The following BNIP5 variants were observed in gnomAD, a reference collection of about 807,000 sequenced individuals.
The protein encoded by BNIP5 is protein BNIP5.
Under a neutral mutation model 67.3 loss-of-function variants are expected in BNIP5, and 61 were observed. The observed-to-expected ratio is 0.91, with a 90% CI of 0.74 to 1.12. The LOEUF (loss-of-function observed/expected upper bound fraction) is 1.12, where lower values mean the gene tolerates loss of function less well. Among genes scored for constraint, BNIP5 ranks in the 50% most tolerant of loss-of-function variants. The pLI is 0.00. For synonymous variants in BNIP5, 317 were observed against 319.0 expected (o/e 0.99, Z 0.07); for missense variants, 826 against 816.3 (o/e 1.01, Z -0.14).
At chr6:36,326,918 C>A (rs1330733269) in intron 4 of BNIP5, 112 bp downstream of exon 4, 2 of 1,390,052 alleles carry the variant, frequency 1.4e-6, no homozygotes, top group African/African-American at 2.9e-5. Context: ...CAGAAGGAGG[C>A]TTCAGGGAAG....
chr6:36,324,274 G>A, intron 6 of BNIP5, 84 bp from the exon 7 acceptor site: 4 of 1,254,700 alleles, frequency 3.2e-6, no homozygotes, highest in Non-Finnish European at 4.7e-6. Flanking sequence ...TGCCCCGGTG[G>A]CTCCCTGGGT....
chr6:36,330,782 A>G lies in BNIP5; in HGVS notation c.-4-88T>C, dbSNP rs1771888039. The G allele has an allele frequency of 4.8e-6, 7 of 1,464,722 alleles. No individual in the cohort carries two copies. The East Asian group carries it at 1.7e-4, about 35-fold the overall frequency. 90.7% of individuals were successfully genotyped at this position (1,464,722 alleles called of 1,614,324 possible). ...TTTGTTTTGTTTGTTTTTGTTTTTT[A>G]TGACGGAGCCTCGGTCTATTGCCCA... On this transcript the variant is annotated intron_variant, in intron 1 of 11. Coordinates refer to ENST00000437635, the MANE Select transcript of BNIP5 (RefSeq NM_001010903.5).
chr6:36,325,733 C>T (rs1307382321), intron 5 of BNIP5, among the ~76,000 whole-genome samples: 1 of 152,134 alleles, frequency 6.6e-6, no homozygotes, highest in East Asian at 1.9e-4. Context: ...TAGCCAGAAT[C>T]CCCCTGCATG....
chr6:36,322,480 A>G (rs763789595), intron 8 of BNIP5, 38 bp from the exon 9 acceptor site: 1 of 1,589,992 alleles, frequency 6.3e-7, no homozygotes, highest in South Asian at 1.1e-5. Context: ...TTTTGCAGAG[A>G]GCTGAATCTA....
chr6:36,325,700 C>CA (rs1011347701), intron 5 of BNIP5, among the ~76,000 whole-genome samples: 2 of 152,150 alleles, frequency 1.3e-5, no homozygotes, highest in African/African-American at 4.8e-5. Flanking sequence ...AGGCCTGGTC[C>CA]CATGGCATGA....
At chr6:36,333,383 G>A (rs1286023493) in intron 1 of BNIP5, among the ~76,000 whole-genome samples, 1 of 152,224 alleles carries the variant, frequency 6.6e-6, no homozygotes, top group East Asian at 1.9e-4. Flanking sequence ...TTAGCAATAT[G>A]TATCTGTACC....
At position 36,317,235 on chromosome 6, in the gene BNIP5, T is replaced by C; in HGVS notation, c.*121A>G. ...ATGGACACAGAATGATTGTCTGCTC[T>C]TGTCTTCCATCACGTTTGTGAAGCA... On this transcript the variant is annotated 3_prime_UTR_variant, in exon 12 of 12. Transcript: ENST00000437635. 1.2e-6 allele frequency: 1 copy of C among 829,330 alleles called. No homozygotes were observed. 51.4% of individuals were successfully genotyped at this position (829,330 alleles called of 1,614,324 possible).
At position 36,323,359 on chromosome 6, in the gene BNIP5, G is replaced by A; in HGVS notation, c.1405C>T (p.Pro469Ser). 6.2e-7 allele frequency: 1 copy of A among 1,614,292 alleles called. No homozygotes were observed. The highest frequency in any genetic ancestry group is 8.5e-7 in the Non-Finnish European group (1 of 1,180,056). ...AGAASPEARR[P>S]KRPSFLPLCV... Reference sequence around the variant, plus strand: ...AGGGGCAGAAAGCTGGGCCTCTTGGGTCGTCGGGCCTCTGGGCTGGCAGCC... The same window carrying A: ...AGGGGCAGAAAGCTGGGCCTCTTGGATCGTCGGGCCTCTGGGCTGGCAGCC... Residue 469 changes from proline to serine, a missense_variant, in exon 8 of 12, where the codon CCC becomes TCC. Transcript: ENST00000437635.
At chr6:36,320,924 G>A (rs1357655631) in intron 10 of BNIP5, among the ~76,000 whole-genome samples, 2 of 152,192 alleles carry the variant, frequency 1.3e-5, no homozygotes, top group Non-Finnish European at 2.9e-5. Flanking sequence ...CCACATGAGC[G>A]TTGTGTTATT....
chr6:36,322,465 G>T (rs1007397147), intron 8 of BNIP5, 23 bp from the exon 9 acceptor site: 4 of 1,607,348 alleles, frequency 2.5e-6, no homozygotes, highest in Non-Finnish European at 3.4e-6. Flanking sequence ...AAGAGTTGTT[G>T]AGTGTTTTGC....
chr6:36,336,435 G>A (rs1772018140), intron 1 of BNIP5, among the ~76,000 whole-genome samples: 1 of 152,164 alleles, frequency 6.6e-6, no homozygotes, highest in Non-Finnish European at 1.5e-5. Flanking sequence ...AAGCAGGATT[G>A]GGACTTGAAT....
intron 10 of BNIP5, among the ~76,000 whole-genome samples, chr6:36,320,640 G>A (rs1464996743): frequency 5.9e-5 from 9 of 152,248 alleles, no homozygotes. Context: ...GTCTCTCAAA[G>A]TAGGCTGTGT....
At position 36,317,388 on chromosome 6, in the gene BNIP5, T is replaced by C; in HGVS notation, c.1927A>G (p.Ile643Val). ...GGACTTTCAACCTTAGGACTTGTGA[T>C]GTTCTGGGAAGAGAAAAAGAACATA... ...QFPYREDQPN[I>V]TSPKVESPD The change falls in exon 12 of 12, where the codon ATC becomes GTC. Residue 643 changes from isoleucine (I) to valine (V), a missense_variant. By Grantham distance (29) the Ile-to-Val change is conservative. Transcript: ENST00000437635. The C allele has an allele frequency of 6.2e-7, 1 of 1,613,368 alleles. No individual in the cohort carries two copies. Among genetic ancestry groups the C allele is most frequent in the Non-Finnish European group, 8.5e-7 (1 of 1,179,274 alleles).
In BNIP5 at chr6:36,324,036, C is replaced by T. The variant is rs1310851123; in HGVS notation, c.1230+93G>A. Reference sequence around the variant, plus strand: ...AAAAAGGAGGGACTGGAGCAGGACACAGAAGAGCAGCAGAGACAGGGAAGT... The same window carrying T: ...AAAAAGGAGGGACTGGAGCAGGACATAGAAGAGCAGCAGAGACAGGGAAGT... On this transcript the variant is annotated intron_variant, in intron 7 of 11. Transcript: ENST00000437635. The T allele has an allele frequency of 4.3e-6, 4 of 931,972 alleles. No homozygotes were observed. In the Admixed American group the frequency reaches 5.1e-5, roughly 12 times the overall value. 57.7% of individuals were successfully genotyped at this position (931,972 alleles called of 1,614,324 possible). A position where few individuals can be genotyped will look rare whatever the true frequency, so the allele number is the denominator to read the frequency against.
Position 36,319,431 on chromosome 6 carries a change from G to T in BNIP5, c.1848C>A (p.Ser616Arg). 1 of 1,614,162 alleles carries T rather than the reference G, an allele frequency of 6.2e-7. No homozygotes were observed. ...GGCCCATGAGGATGCACATGGCATGGCTGTTGCTGCCAGCAAATTTGTTAG... is the reference window on the plus strand; with the variant it reads ...GGCCCATGAGGATGCACATGGCATGTCTGTTGCTGCCAGCAAATTTGTTAG... ...SLANKFAGSNSHAMCILMGLR... is the reference protein window; with the variant it reads ...SLANKFAGSNRHAMCILMGLR... The change falls in exon 11 of 12, where the codon AGC becomes AGA. Residue 616 changes from serine to arginine, a missense_variant. Transcript: ENST00000437635.
chr6:36,331,071 T>G (rs1771895687), intron 1 of BNIP5, among the ~76,000 whole-genome samples: 1 of 152,024 alleles, frequency 6.6e-6, no homozygotes, highest in Non-Finnish European at 1.5e-5. Context: ...GCCAAACAGC[T>G]CCCTCAGCAG....
Position 36,324,146 on chromosome 6 carries a change from C to T in BNIP5, c.1213G>A (p.Glu405Lys). The T allele has an allele frequency of 6.2e-7, 1 of 1,613,958 alleles. No individual in the cohort carries two copies. Among genetic ancestry groups the T allele is most frequent in the Non-Finnish European group, 8.5e-7 (1 of 1,179,860 alleles). Residue 405 changes from glutamate (E) to lysine (K), a missense_variant, in exon 7 of 12, where the codon GAA becomes AAA. Physicochemically the swap from Glu to Lys is moderately conservative, Grantham distance 56. Transcript: ENST00000437635. ...KIISMLQDAE[E>K]QQGEEQPQVQ... Reference sequence around the variant, plus strand: ...TTCCTCACCTCCTCTCCTTGCTGTTCTTCTGCATCTTGGAGCATGGAAATG... The same window carrying T: ...TTCCTCACCTCCTCTCCTTGCTGTTTTTCTGCATCTTGGAGCATGGAAATG...
chr6:36,325,248 C>A, intron 6 of BNIP5, 35 bp downstream of exon 6: 2 of 1,611,740 alleles, frequency 1.2e-6, no homozygotes, highest in Non-Finnish European at 1.7e-6. Flanking sequence ...AGAAGTTTTG[C>A]AAGGGGTGTC....
At chr6:36,331,982 G>C (rs898049420) in intron 1 of BNIP5, among the ~76,000 whole-genome samples, 3 of 152,114 alleles carry the variant, frequency 2.0e-5, no homozygotes, top group Non-Finnish European at 4.4e-5. Context: ...TGACCTCCCT[G>C]CTCTCCTCTT....
Sources: allele counts gnomAD v4.1 joint callset (sites outside exome capture counted in the v4.1 genomes callset), GRCh38; gene constraint gnomAD v4.1.1; transcripts MANE v1.5; gene names NCBI Gene and HGNC (gene_info 2026-07-23, HGNC 2026-07-21).